Variants in KLKB1 observed in about 807,000 individuals in gnomAD.
The protein encoded by KLKB1 is kallikrein B1, also known as plasma kallikrein.
KLKB1 carries 58 observed loss-of-function variants against 73.6 expected under a neutral mutation model. That is an observed-to-expected ratio of 0.79 (90% CI 0.64 to 0.98). KLKB1 has a LOEUF of 0.98. Ranked by LOEUF, KLKB1 falls within the 50% of genes least tolerant of loss-of-function variation. KLKB1 has a pLI of 0.00. For synonymous variants in KLKB1, 280 were observed against 258.1 expected, an observed-to-expected ratio of 1.08 and a Z score of -0.81; for missense variants, 737 against 763.8, an observed-to-expected ratio of 0.96 and a Z score of 0.41.
At chr4:186,251,944 T>A in intron 10 of KLKB1, 73 bp from the exon 11 acceptor site, 2 of 1,609,440 alleles carry the variant, frequency 1.2e-6, no homozygotes, top group South Asian at 2.2e-5. Flanking sequence ...ATTATGTGTC[T>A]TGTTCTCCTT....
At chr4:186,214,919 G>A (rs534440031) in intron 2 of KLKB1, among the ~76,000 whole-genome samples, 19 of 152,230 alleles carry the variant, frequency 1.2e-4, no homozygotes, top group Admixed American at 2.6e-4. Context: ...TTTTTGGCAC[G>A]TTCTTTCTCC....
intron 7 of KLKB1, among the ~76,000 whole-genome samples, chr4:186,250,811 C>A (rs1445740783): frequency 2.0e-5 from 3 of 152,178 alleles, no homozygotes; most frequent in Admixed American, 2.0e-4. Flanking sequence ...TTATTCTGAT[C>A]AAGGCTCTGG....
intron 2 of KLKB1, among the ~76,000 whole-genome samples, chr4:186,230,440 T>C (rs1403791213): frequency 1.3e-5 from 2 of 152,224 alleles, no homozygotes; most frequent in Non-Finnish European, 2.9e-5. Context: ...TAAACAAGAC[T>C]GAATAATCTG....
chr4:186,245,846 A>G (rs1171117040), intron 6 of KLKB1, among the ~76,000 whole-genome samples: 4 of 109,804 alleles, frequency 3.6e-5, no homozygotes, highest in Admixed American at 1.1e-4. Flanking sequence ...TAATGTCAGG[A>G]GCTGACTGGG....
chr4:186,239,535 T>C (rs1402528648), intron 6 of KLKB1, among the ~76,000 whole-genome samples: 16 of 144,004 alleles, frequency 1.1e-4, no homozygotes, highest in African/African-American at 3.8e-4. Context: ...GATACTGTTA[T>C]AGGAAACTAG....
At chr4:186,228,119 C>A in intron 1 of KLKB1, 76 bp from the exon 2 acceptor site, 1 of 870,850 alleles carries the variant, frequency 1.1e-6, no homozygotes, top group South Asian at 1.4e-5. Context: ...ACAAGAAAAT[C>A]TAAATCACCT....
In KLKB1 at chr4:186,252,126, G is replaced by A. The variant is rs760059015; in HGVS notation, c.1254G>A (p.Leu418=). Residue 418 remains leucine, a synonymous_variant, in exon 11 of 15, where the codon CTG becomes CTA. Coordinates refer to ENST00000264690, the MANE Select transcript of KLKB1 (RefSeq NM_000892.5). ...LQVKLTAQRH[L]CGGSLIGHQW... ...TGAAGCTGACAGCTCAGAGGCACCT[G>A]TGTGGAGGGTCACTCATAGGACACC... The A allele has an allele frequency of 3.1e-6, 5 of 1,614,010 alleles. No individual in the cohort carries two copies. In the South Asian group the frequency reaches 5.5e-5, roughly 18 times the overall value.
chr4:186,214,973 T>C (rs4862664), intron 2 of KLKB1, among the ~76,000 whole-genome samples: 15,243 of 152,270 alleles, frequency 0.1, 1,070 homozygotes, highest in East Asian at 0.32. Flanking sequence ...TTTCTTTCTG[T>C]TGTGGTTTGC....
intron 13 of KLKB1, 91 bp downstream of exon 13, chr4:186,256,178 A>G: frequency 1.3e-6 from 1 of 770,054 alleles, no homozygotes. Context: ...TCTGTCTGAA[A>G]TTATATCTAA....
In KLKB1 at chr4:186,245,814, TTGTTTTTTGG is replaced by T. The variant is rs1381538705; in HGVS notation, c.599-4427_599-4418del. Among the ~76,000 whole-genome samples, 24 of 113,452 alleles carry T rather than the reference TTGTTTTTTGG, an allele frequency of 2.1e-4. 3 individuals are homozygous for T. The highest frequency in any genetic ancestry group is 4.7e-4 in the South Asian group (2 of 4,284). The allele number at this position is 113,452 out of a possible 152,430, so 74.4% of individuals were successfully genotyped here. ...TCTAATTTTTGGAGTTTTTTTTTGT[TTGTTTTTTGG>T]TTTTTTTTTTTTAATGTCAGGAGCT... On this transcript the variant is annotated intron_variant, in intron 6 of 14. Coordinates refer to ENST00000264690, the MANE Select transcript of KLKB1 (RefSeq NM_000892.5).
upstream of KLKB1, among the ~76,000 whole-genome samples, chr4:186,223,581 T>C (rs1737077396): frequency 6.6e-6 from 1 of 152,126 alleles, no homozygotes; most frequent in Non-Finnish European, 1.5e-5. Flanking sequence ...AGAGAGATGA[T>C]TTAGGGTATC....
intron 13 of KLKB1, 42 bp downstream of exon 13, chr4:186,256,129 A>C (rs372780412): frequency 7.1e-6 from 9 of 1,265,572 alleles, no homozygotes; most frequent in African/African-American, 5.9e-5. Flanking sequence ...AGTAAGTCTC[A>C]CATGTTGAAA....
At chr4:186,238,480 G>A (rs1157009235) in intron 6 of KLKB1, 115 bp downstream of exon 6, 9 of 777,926 alleles carry the variant, frequency 1.2e-5, no homozygotes, top group South Asian at 4.2e-5. Flanking sequence ...TGGCAAAAGC[G>A]TTTCTGTCAA....
At chr4:186,214,295 A>G (rs949350876) in intron 2 of KLKB1, among the ~76,000 whole-genome samples, 1 of 152,234 alleles carries the variant, frequency 6.6e-6, no homozygotes, top group Admixed American at 6.5e-5. Context: ...CTCACTCTTC[A>G]GTGGGTCCAC....
chr4:186,222,087 T>C (rs1379066056), upstream of KLKB1, among the ~76,000 whole-genome samples: 3 of 152,190 alleles, frequency 2.0e-5, no homozygotes, highest in Non-Finnish European at 4.4e-5. Flanking sequence ...CACCTCTGCT[T>C]TCGTTTGGTT....
upstream of KLKB1, among the ~76,000 whole-genome samples, chr4:186,225,150 G>T (rs933258014): frequency 6.6e-6 from 1 of 152,154 alleles, no homozygotes; most frequent in South Asian, 2.1e-4. Context: ...CCAGTCTCAG[G>T]TAGTATCTTT....
At position 186,236,941 on chromosome 4, in the gene KLKB1, G is replaced by A; in HGVS notation, c.488+1G>A. 1 of 1,614,036 alleles carries A rather than the reference G, an allele frequency of 6.2e-7. No homozygotes were observed. Among genetic ancestry groups the A allele is most frequent in the South Asian group, 1.1e-5 (1 of 91,074 alleles). ...AAACATTTCACAAGGCAGAGTACCG[G>A]TGAGTACAATTCAAGGTGTGTGTTC... On this transcript the variant is annotated splice_donor_variant, in intron 5 of 14. Coordinates refer to ENST00000264690, the MANE Select transcript of KLKB1 (RefSeq NM_000892.5). LOFTEE classifies it high-confidence loss of function.
At chr4:186,242,230 C>T (rs1164933168) in intron 6 of KLKB1, among the ~76,000 whole-genome samples, 2 of 152,142 alleles carry the variant, frequency 1.3e-5, no homozygotes, top group Non-Finnish European at 2.9e-5. Context: ...TCAGTTAAGG[C>T]AGGAACCGGC....
intron 11 of KLKB1, among the ~76,000 whole-genome samples, chr4:186,252,763 A>G (rs1738777770): frequency 6.6e-6 from 1 of 150,456 alleles, no homozygotes; most frequent in Non-Finnish European, 1.5e-5. Flanking sequence ...TCCCACCACC[A>G]ATCCCTGATG....
Sources: allele counts gnomAD v4.1 joint callset (sites outside exome capture counted in the v4.1 genomes callset), GRCh38; gene constraint gnomAD v4.1.1; transcripts MANE v1.5; gene names NCBI Gene and HGNC (gene_info 2026-07-23, HGNC 2026-07-21).